Variants in EPM2A observed in about 807,000 individuals in gnomAD.
The protein encoded by EPM2A is laforin.
A neutral mutation model predicts 26.5 loss-of-function variants in EPM2A; 21 were observed. The observed-to-expected ratio is 0.79, with a 90% CI of 0.56 to 1.14. The LOEUF is 1.14. Ranked by LOEUF, EPM2A falls within the 50% of genes most tolerant of loss-of-function variation. The pLI is 0.00. For synonymous variants in EPM2A, 217 were observed against 177.6 expected, an observed-to-expected ratio of 1.22 and a Z score of -1.76; for missense variants, 458 against 440.8, an observed-to-expected ratio of 1.04 and a Z score of -0.35.
chr6:145,595,618 T>C (rs188911692), intron 2 of EPM2A, among the ~76,000 whole-genome samples: 2 of 152,152 alleles, frequency 1.3e-5, no homozygotes, highest in African/African-American at 4.8e-5. Context: ...GTTTCATTGC[T>C]CTTTTAAATT....
At chr6:145,501,394 A>G (rs562383854), downstream of EPM2A, among the ~76,000 whole-genome samples, 1 of 152,168 alleles carries the variant, frequency 6.6e-6, no homozygotes, top group East Asian at 1.9e-4. Context: ...GAATGGTCAT[A>G]TGTTTTCTTA....
intron 1 of EPM2A, among the ~76,000 whole-genome samples, chr6:145,733,005 T>C (rs1776578341): frequency 6.6e-6 from 1 of 152,218 alleles, no homozygotes; most frequent in African/African-American, 2.4e-5. Context: ...TCTTAAACAC[T>C]TGGCTACCCT....
At chr6:145,447,920 A>G (rs2114706281) in intron 4 of EPM2A, among the ~76,000 whole-genome samples, 1 of 152,232 alleles carries the variant, frequency 6.6e-6, no homozygotes, top group South Asian at 2.1e-4. Context: ...TTGAATTCAT[A>G]TATTGTTTTT....
intron 2 of EPM2A, among the ~76,000 whole-genome samples, chr6:145,527,473 C>T (rs1780291873): frequency 6.6e-6 from 1 of 152,112 alleles, no homozygotes; most frequent in African/African-American, 2.4e-5. Flanking sequence ...CCCGCTCCAA[C>T]ATTGGGTGCA....
At chr6:145,696,780 T>C (rs1781602641) in intron 1 of EPM2A, among the ~76,000 whole-genome samples, 2 of 24,054 alleles carry the variant, frequency 8.3e-5, no homozygotes, top group African/African-American at 2.5e-4. Flanking sequence ...GGGGTATGTG[T>C]GTGTGTGTGT....
At chr6:145,620,540 CAAAT>C (rs750186319), downstream of EPM2A, among the ~76,000 whole-genome samples, 2 of 152,176 alleles carry the variant, frequency 1.3e-5, no homozygotes, top group African/African-American at 2.4e-5. Flanking sequence ...GGATTTCTAT[CAAAT>C]AAAAATATAT....
At chr6:145,527,329 A>C (rs531903436) in intron 2 of EPM2A, among the ~76,000 whole-genome samples, 95 of 152,150 alleles carry the variant, frequency 6.2e-4, no homozygotes, top group African/African-American at 2.2e-3. Context: ...GAATTTAAGT[A>C]TACAATTTCT....
At chr6:145,621,625 T>G (rs1463957474), downstream of EPM2A, among the ~76,000 whole-genome samples, 1 of 152,050 alleles carries the variant, frequency 6.6e-6, no homozygotes, top group East Asian at 1.9e-4. Flanking sequence ...TTTTTTTTTT[T>G]TTTACATCCT....
At chr6:145,441,961 C>T (rs961323370) in intron 4 of EPM2A, among the ~76,000 whole-genome samples, 2 of 152,158 alleles carry the variant, frequency 1.3e-5, no homozygotes, top group African/African-American at 4.8e-5. Context: ...TTTCTTCTGT[C>T]AGATACCCTA....
At chr6:145,418,255 A>G (rs1778735406) in intron 4 of EPM2A, among the ~76,000 whole-genome samples, 1 of 152,326 alleles carries the variant, frequency 6.6e-6, no homozygotes, top group South Asian at 2.1e-4. Context: ...AGACAAATGG[A>G]TGCAAATTCC....
At chr6:145,623,841 A>G (rs1271834506), downstream of EPM2A, among the ~76,000 whole-genome samples, 2 of 152,194 alleles carry the variant, frequency 1.3e-5, no homozygotes, top group African/African-American at 4.8e-5. Context: ...CACAGATGCT[A>G]TAGATGCTTT....
In EPM2A at chr6:145,735,447, G is replaced by A. The variant is rs1776819425; in HGVS notation, c.52C>T (p.Pro18Ser). ...VVPPAVAGAR[P>S]ELLVVGSRPE... ...CGCGACCCCACCACCAGCAGCTCCGGCCGGGCGCCGGCCACGGCGGGTGGC... is the reference window on the plus strand; with the variant it reads ...CGCGACCCCACCACCAGCAGCTCCGACCGGGCGCCGGCCACGGCGGGTGGC... The change falls in exon 1 of 4, where the codon CCG becomes TCG. Residue 18 changes from proline (P) to serine (S), a missense_variant. Physicochemically the swap from Pro to Ser is moderately conservative, Grantham distance 74. Transcript: ENST00000367519. The A allele has an allele frequency of 1.6e-6, 2 of 1,244,252 alleles. No individual in the cohort carries two copies. The highest frequency in any genetic ancestry group is 2.0e-6 in the Non-Finnish European group (2 of 988,758). The allele number at this position is 1,244,252 out of a possible 1,614,324, so 77.1% of individuals were successfully genotyped here. A position where few individuals can be genotyped will look rare whatever the true frequency, so the allele number is the denominator to read the frequency against.
rs1156949253 is a variant in EPM2A, at chr6:145,414,120, A to G, written c.556-30023T>C. Among the ~76,000 whole-genome samples, 23 of 152,134 alleles carry G rather than the reference A, an allele frequency of 1.5e-4. 1 individual carries two copies. The highest frequency in any genetic ancestry group is 1.4e-3 in the Admixed American group (22 of 15,268). On this transcript the variant is annotated intron_variant, in intron 4 of 4. Coordinates refer to the EPM2A transcript ENST00000638717. ...TGAGGTGATCTTCCTCTTGGGCAGG[A>G]TGGAAGTACTCCAGATCAACTCCTT...
At chr6:145,679,526 A>T (rs1252840184) in intron 2 of EPM2A, among the ~76,000 whole-genome samples, 1 of 152,032 alleles carries the variant, frequency 6.6e-6, no homozygotes, top group Non-Finnish European at 1.5e-5. Context: ...CAGTAATAGG[A>T]ATTCCAGAAA....
intron 2 of EPM2A, among the ~76,000 whole-genome samples, chr6:145,659,726 T>C (rs958962637): frequency 2.0e-5 from 3 of 152,192 alleles, no homozygotes; most frequent in Admixed American, 6.5e-5. Flanking sequence ...TAAAGGTTTA[T>C]CCATGCATAG....
intron 3 of EPM2A, 57 bp from the exon 4 acceptor site, chr6:145,627,750 C>G (rs759304458): frequency 1.3e-6 from 2 of 1,591,302 alleles, no homozygotes; most frequent in Non-Finnish European, 1.7e-6. Flanking sequence ...GATACCGCCG[C>G]TGAGGTCTCC....
At chr6:145,400,298 C>T (rs546882466) in intron 4 of EPM2A, among the ~76,000 whole-genome samples, 1 of 152,262 alleles carries the variant, frequency 6.6e-6, no homozygotes, top group East Asian at 1.9e-4. Flanking sequence ...GAATTAATCC[C>T]CTCTTGTCCA....
At chr6:145,627,763 C>T in intron 3 of EPM2A, 70 bp from the exon 4 acceptor site, 1 of 1,579,308 alleles carries the variant, frequency 6.3e-7, no homozygotes, top group South Asian at 1.1e-5. Flanking sequence ...AGGTCTCCTC[C>T]AGCACAGCCT....
At chr6:145,506,676 C>A (rs1779978933) in intron 2 of EPM2A, among the ~76,000 whole-genome samples, 3 of 152,114 alleles carry the variant, frequency 2.0e-5, no homozygotes, top group Admixed American at 6.5e-5. Flanking sequence ...AAATAAGTCA[C>A]CCTGTAAGCA....
Sources: gnomAD v4.1 joint callset for allele counts (sites outside exome capture counted in the v4.1 genomes callset) on GRCh38, gnomAD v4.1.1 for gene constraint, MANE v1.5 for transcripts, NCBI Gene and HGNC (gene_info 2026-07-23, HGNC 2026-07-21) for gene names.